Variants in LINGO2 observed in about 807,000 individuals in gnomAD.
LINGO2 encodes the protein leucine-rich repeat and immunoglobulin-like domain-containing nogo receptor-interacting protein 2.
A neutral mutation model predicts 30.6 loss-of-function variants in LINGO2; 14 were observed. The observed-to-expected ratio is 0.46, with a 90% confidence interval of 0.30 to 0.72. The LOEUF (loss-of-function observed/expected upper bound fraction) is 0.72, where lower values mean the gene tolerates loss of function less well. Among genes scored for constraint, LINGO2 ranks in the 30% least tolerant of loss-of-function variants. The pLI is 0.07. For missense variants in LINGO2, 729 were observed against 751.7 expected, an observed-to-expected ratio of 0.97 and a Z score of 0.35; for synonymous variants, 317 against 288.5, an observed-to-expected ratio of 1.10 and a Z score of -1.00.
chr9:28,444,688 C>T (rs553247224), intron 2 of LINGO2, among the ~76,000 whole-genome samples: 1 of 152,202 alleles, frequency 6.6e-6, no homozygotes, highest in Non-Finnish European at 1.5e-5. Context: ...GTGGAAGTTT[C>T]TTGTGGTATG....
At chr9:28,983,317 C>CAAAAA in the LINGO2 span, among the ~76,000 whole-genome samples, 1 of 50,206 alleles carries the variant, frequency 2.0e-5, no homozygotes. Context: ...TATGAGGTAT[C>CAAAAA]CAAAAAAAAA....
chr9:28,237,639 G>A (rs563221971), intron 4 of LINGO2, among the ~76,000 whole-genome samples: 1 of 152,242 alleles, frequency 6.6e-6, no homozygotes, highest in South Asian at 2.1e-4. Flanking sequence ...CAGATCACAA[G>A]ATCAGGAGTT....
the LINGO2 span, among the ~76,000 whole-genome samples, chr9:28,751,711 T>G: frequency 6.6e-6 from 1 of 152,062 alleles, no homozygotes. Context: ...TTATCTATTT[T>G]ATTGTATACT....
chr9:28,423,063 C>T (rs1049510787), intron 2 of LINGO2, among the ~76,000 whole-genome samples: 4 of 151,982 alleles, frequency 2.6e-5, no homozygotes, highest in Admixed American at 2.6e-4. Flanking sequence ...ATACAGATTT[C>T]CAGTTTTGCA....
At chr9:28,872,115 T>C in the LINGO2 span, among the ~76,000 whole-genome samples, 1 of 151,820 alleles carries the variant, frequency 6.6e-6, no homozygotes, top group African/African-American at 2.4e-5. Context: ...ACCATAAAAC[T>C]AGAGAGAAAG....
chr9:28,182,985 C>T (rs1419526321), intron 4 of LINGO2, among the ~76,000 whole-genome samples: 3 of 152,144 alleles, frequency 2.0e-5, no homozygotes, highest in African/African-American at 7.2e-5. Flanking sequence ...ATAAATCATT[C>T]TGCTATAAAG....
At chr9:28,754,633 TCC>T in the LINGO2 span, among the ~76,000 whole-genome samples, 1 of 150,550 alleles carries the variant, frequency 6.6e-6, no homozygotes, top group Non-Finnish European at 1.5e-5. Flanking sequence ...TCTGTTTCTG[TCC>T]TTTTTTTTTT....
chr9:28,629,883 T>G (rs1377118325), intron 1 of LINGO2, among the ~76,000 whole-genome samples: 1 of 152,050 alleles, frequency 6.6e-6, no homozygotes, highest in Non-Finnish European at 1.5e-5. Flanking sequence ...AAAAGTTTCA[T>G]CTAGCATTAG....
At chr9:28,818,860 TA>T in the LINGO2 span, among the ~76,000 whole-genome samples, 7 of 148,862 alleles carry the variant, frequency 4.7e-5, no homozygotes, top group Admixed American at 2.0e-4. Context: ...ATTAACAAAC[TA>T]AAAAAAAAAC....
chr9:28,997,691 TG>T, the LINGO2 span, among the ~76,000 whole-genome samples: 1 of 151,922 alleles, frequency 6.6e-6, no homozygotes, highest in Non-Finnish European at 1.5e-5. Flanking sequence ...GGCATGGTAG[TG>T]GGCACCTATA....
chr9:28,855,886 T>G, the LINGO2 span, among the ~76,000 whole-genome samples: 1 of 152,090 alleles, frequency 6.6e-6, no homozygotes, highest in African/African-American at 2.4e-5. Flanking sequence ...CCCTGACTAT[T>G]CTTGCCTAGG....
upstream of LINGO2, among the ~76,000 whole-genome samples, chr9:28,672,753 A>G (rs144648997): frequency 6.6e-6 from 1 of 152,234 alleles, no homozygotes; most frequent in African/African-American, 2.4e-5. Flanking sequence ...CAATGGAGAG[A>G]ATCCTGAAAC....
chr9:28,433,616 G>C (rs1187227748), intron 2 of LINGO2, among the ~76,000 whole-genome samples: 1 of 151,940 alleles, frequency 6.6e-6, no homozygotes, highest in African/African-American at 2.4e-5. Context: ...TCAAAAAAAG[G>C]CAAAAAGCAT....
At chr9:27,957,599 G>C (rs1819639048) in intron 5 of LINGO2, among the ~76,000 whole-genome samples, 1 of 152,082 alleles carries the variant, frequency 6.6e-6, no homozygotes, top group Non-Finnish European at 1.5e-5. Context: ...GGCCACTGTA[G>C]CTTTTTATCA....
At chr9:28,695,022 G>T in the LINGO2 span, among the ~76,000 whole-genome samples, 1 of 149,296 alleles carries the variant, frequency 6.7e-6, no homozygotes, top group Middle Eastern at 3.4e-3. Context: ...GAGCTGTCAG[G>T]ACATTTTACC....
At chr9:28,686,318 A>G in the LINGO2 span, among the ~76,000 whole-genome samples, 1 of 152,096 alleles carries the variant, frequency 6.6e-6, no homozygotes, top group Non-Finnish European at 1.5e-5. Flanking sequence ...CTGATATTTC[A>G]TATGCCCAAA....
chr9:28,977,497 TATA>T, the LINGO2 span, among the ~76,000 whole-genome samples: 91 of 152,252 alleles, frequency 6.0e-4, no homozygotes, highest in East Asian at 0.015. Context: ...TCTTTAATTT[TATA>T]ATAATAGCGA....
the LINGO2 span, among the ~76,000 whole-genome samples, chr9:28,691,608 A>G: frequency 2.0e-5 from 3 of 152,176 alleles, no homozygotes; most frequent in Non-Finnish European, 2.9e-5. Context: ...AAAAAGCAGT[A>G]CATCTACATA....
the LINGO2 span, among the ~76,000 whole-genome samples, chr9:28,977,293 A>G: frequency 6.6e-6 from 1 of 152,048 alleles, no homozygotes; most frequent in Non-Finnish European, 1.5e-5. Flanking sequence ...TCTGTCCTGC[A>G]TAAGTTCCTT....
Sources: gnomAD v4.1 joint callset for allele counts (sites outside exome capture counted in the v4.1 genomes callset) on GRCh38, gnomAD v4.1.1 for gene constraint, MANE v1.5 for transcripts, NCBI Gene and HGNC (gene_info 2026-07-23, HGNC 2026-07-21) for gene names.